DARS1: variants seen among roughly 807,000 people sequenced by gnomAD.
DARS1 encodes the protein aspartate--tRNA ligase, cytoplasmic.
A neutral mutation model predicts 68.8 loss-of-function variants in DARS1; 51 were observed. The observed-to-expected ratio is 0.74, with a 90% CI of 0.59 to 0.94. The LOEUF (loss-of-function observed/expected upper bound fraction) is 0.94. Among genes scored for constraint, DARS1 ranks in the 40% least tolerant of loss-of-function variants. The pLI is 0.00. For missense variants in DARS1, 607 were observed against 597.3 expected (o/e 1.02, Z -0.17); for synonymous variants, 203 against 190.4 (o/e 1.07, Z -0.55).
At chr2:135,964,656 C>A (rs1682180760) in intron 3 of DARS1, among the ~76,000 whole-genome samples, 1 of 151,950 alleles carries the variant, frequency 6.6e-6, no homozygotes, top group African/African-American at 2.4e-5. Flanking sequence ...GGTTGGCCAA[C>A]GTGGTGAAAC....
intron 4 of DARS1, among the ~76,000 whole-genome samples, chr2:135,945,087 T>C (rs1553445900): frequency 6.6e-6 from 1 of 152,074 alleles, no homozygotes; most frequent in African/African-American, 2.4e-5. Context: ...GCACCTTCCA[T>C]TATCAGACAG....
intron 5 of DARS1, 94 bp from the exon 6 acceptor site, chr2:135,934,084 A>C (rs1681414121): frequency 1.3e-5 from 20 of 1,504,402 alleles, no homozygotes; most frequent in Non-Finnish European, 1.8e-5. Context: ...AGCATGAAGC[A>C]ATGTTTGCAT....
At chr2:135,985,176 C>T in intron 1 of DARS1, 1 of 630,642 alleles carries the variant, frequency 1.6e-6, no homozygotes, top group Non-Finnish European at 2.5e-6. Flanking sequence ...CCCGGGGACA[C>T]GCTTCTAGTA....
At chr2:135,952,111 G>A (rs1245831277) in intron 4 of DARS1, among the ~76,000 whole-genome samples, 1 of 151,996 alleles carries the variant, frequency 6.6e-6, no homozygotes, top group Non-Finnish European at 1.5e-5. Context: ...CGTGGTGGTG[G>A]GCGCCTGTAA....
chr2:135,914,469 CT>C lies in DARS1; in HGVS notation c.1148del (p.Lys383SerfsTer16). Reference protein sequence around the residue: ...EKLLGHLVKEKYDTDFYILDK... With the variant: ...EKLLGHLVKEXYDTDFYILDK... Reference sequence around the variant, plus strand: ...AAATCCAGCATATAAAGAGTCCTACCTTTTCCTTTACCAAATGACCCAACAG... The same window carrying C: ...AAATCCAGCATATAAAGAGTCCTACCTTTCCTTTACCAAATGACCCAACAG... On this transcript the variant is annotated frameshift_variant and splice_region_variant, in exon 12 of 16. Coordinates refer to ENST00000264161, the MANE Select transcript of DARS1 (RefSeq NM_001349.4). LOFTEE classifies it high-confidence loss of function. The C allele has an allele frequency of 5.1e-6, 7 of 1,372,058 alleles. No individual in the cohort carries two copies. Among genetic ancestry groups the C allele is most frequent in the African/African-American group, 1.4e-5 (1 of 70,434 alleles). 85.0% of individuals were successfully genotyped at this position (1,372,058 alleles called of 1,614,324 possible).
Position 135,979,129 on chromosome 2 carries a change from T to C in DARS1, c.217+145A>G, listed in dbSNP as rs1682563674. The C allele has an allele frequency of 6.7e-6, 4 of 593,304 alleles. No individual in the cohort carries two copies. The Admixed American group carries it at 9.5e-5, about 14-fold the overall frequency. The allele number at this position is 593,304 out of a possible 1,614,324, so 36.8% of individuals were successfully genotyped here. ...GAATCTAAAATTGATTAACCATGGGTTAATACTTTACAGTGACTTTTAAGA... is the reference window on the plus strand; with the variant it reads ...GAATCTAAAATTGATTAACCATGGGCTAATACTTTACAGTGACTTTTAAGA... On this transcript the variant is annotated intron_variant, in intron 3 of 15. Transcript: ENST00000264161.
intron 3 of DARS1, among the ~76,000 whole-genome samples, chr2:135,977,980 T>C (rs1371459901): frequency 1.3e-5 from 2 of 151,598 alleles, no homozygotes; most frequent in Non-Finnish European, 2.9e-5. Flanking sequence ...CTGTCTCTAC[T>C]AAAAATGCAA....
At chr2:135,943,573 T>A in intron 4 of DARS1, 93 bp from the exon 5 acceptor site, 1 of 1,519,860 alleles carries the variant, frequency 6.6e-7, no homozygotes, top group Non-Finnish European at 8.8e-7. Flanking sequence ...TATGTTAAAC[T>A]CTTTTTTAAT....
intron 2 of DARS1, among the ~76,000 whole-genome samples, chr2:135,979,764 C>T (rs983249683): frequency 5.3e-5 from 8 of 152,210 alleles, no homozygotes; most frequent in African/African-American, 1.9e-4. Flanking sequence ...CAAACACAGC[C>T]TATCCTGCCT....
intron 3 of DARS1, among the ~76,000 whole-genome samples, chr2:135,969,315 GGTGT>G (rs1474518235): frequency 6.6e-6 from 1 of 151,842 alleles, no homozygotes; most frequent in Admixed American, 6.6e-5. Flanking sequence ...TGTGTGTGTG[GGTGT>G]GTATGTGCAC....
chr2:135,943,514 C>G, intron 4 of DARS1, 34 bp from the exon 5 acceptor site: 1 of 1,608,124 alleles, frequency 6.2e-7, no homozygotes, highest in Non-Finnish European at 8.5e-7. Context: ...CTTGAATCAT[C>G]TCATCAGAGG....
chr2:135,924,633 G>GA (rs1681176343), intron 7 of DARS1, 135 bp from the exon 8 acceptor site: 8 of 1,302,396 alleles, frequency 6.1e-6, no homozygotes, highest in Non-Finnish European at 8.2e-6. Context: ...GAGAGAAGAC[G>GA]AAAGGACACG....
chr2:135,935,211 G>A (rs894939825), intron 5 of DARS1, among the ~76,000 whole-genome samples: 1 of 152,006 alleles, frequency 6.6e-6, no homozygotes, highest in Admixed American at 6.6e-5. Context: ...CCCCTTCATT[G>A]CTCTCTCTCA....
intron 5 of DARS1, among the ~76,000 whole-genome samples, chr2:135,939,584 A>T (rs1172047635): frequency 6.6e-6 from 1 of 152,218 alleles, no homozygotes; most frequent in Non-Finnish European, 1.5e-5. Context: ...ACACCCTAAC[A>T]TCACAATTAA....
chr2:135,938,535 C>A (rs144924245), intron 5 of DARS1, among the ~76,000 whole-genome samples: 1 of 152,104 alleles, frequency 6.6e-6, no homozygotes, highest in Non-Finnish European at 1.5e-5. Flanking sequence ...GCGTTGCTGG[C>A]GAGGAGCTGC....
In DARS1 at chr2:135,984,258, C is replaced by G. The variant is rs3768996; in HGVS notation, c.67-804G>C. ...CACAATGTCTACCTTGTATCTAGAC[C>G]TATACTATCTGTAAGGGTACACTGA... On this transcript the variant is annotated intron_variant, in intron 1 of 15. Coordinates refer to ENST00000264161, the MANE Select transcript of DARS1 (RefSeq NM_001349.4). Among the ~76,000 whole-genome samples, 1,171 of 152,194 alleles carry G rather than the reference C, an allele frequency of 7.7e-3. 100 individuals are homozygous for G. In the East Asian group the frequency reaches 0.2, roughly 25 times the overall value.
chr2:135,913,159 T>C (rs538436647), intron 12 of DARS1, among the ~76,000 whole-genome samples: 3 of 152,208 alleles, frequency 2.0e-5, no homozygotes, highest in Admixed American at 1.3e-4. Flanking sequence ...TTCTAGTTCA[T>C]CTAGTCATTC....
chr2:135,961,160 G>T (rs912108896), intron 4 of DARS1, among the ~76,000 whole-genome samples: 67 of 152,204 alleles, frequency 4.4e-4, no homozygotes, highest in African/African-American at 1.5e-3. Flanking sequence ...GAAAGTAAAT[G>T]TGACTTGTCT....
At chr2:135,921,845 T>C (rs1388445500) in intron 9 of DARS1, among the ~76,000 whole-genome samples, 4 of 152,322 alleles carry the variant, frequency 2.6e-5, no homozygotes, top group East Asian at 3.9e-4. Flanking sequence ...TCTTCTTTTA[T>C]GTACATGGTA....
Sources: allele counts gnomAD v4.1 joint callset (sites outside exome capture counted in the v4.1 genomes callset), GRCh38; gene constraint gnomAD v4.1.1; transcripts MANE v1.5; gene names NCBI Gene and HGNC (gene_info 2026-07-23, HGNC 2026-07-21).